CREBBP: variants seen among roughly 807,000 people sequenced by gnomAD.
CREBBP encodes the protein CREB-binding protein.
In CREBBP, 19 loss-of-function variants were observed where a neutral mutation model predicts 265.0. The observed-to-expected ratio is 0.07, with a 90% CI of 0.05 to 0.11. The LOEUF (loss-of-function observed/expected upper bound fraction) is 0.11, where lower values mean the gene tolerates loss of function less well. Ranked by LOEUF, CREBBP falls within the 10% of genes least tolerant of loss-of-function variation. The pLI is 1.00. For synonymous variants in CREBBP, 1,457 were observed against 1,223.7 expected (o/e 1.19, Z -3.98); for missense variants, 2,525 against 3,219.0 (o/e 0.78, Z 5.22).
At chr16:3,865,756 A>C (rs1597078974) in intron 1 of CREBBP, among the ~76,000 whole-genome samples, 1 of 151,972 alleles carries the variant, frequency 6.6e-6, no homozygotes, top group African/African-American at 2.4e-5. Context: ...CTCCTGCCTC[A>C]GCCTCCTGAG....
intron 2 of CREBBP, among the ~76,000 whole-genome samples, chr16:3,836,253 G>C (rs1437512062): frequency 3.3e-5 from 5 of 151,640 alleles, no homozygotes; most frequent in African/African-American, 1.2e-4. Context: ...GGCCAACATG[G>C]TGAAACCCTA....
chr16:3,849,428 T>TGTGTGTGTGTGTGTGTGTG (rs2054750603), intron 2 of CREBBP, among the ~76,000 whole-genome samples: 4 of 7,940 alleles, frequency 5.0e-4, no homozygotes, highest in Non-Finnish European at 4.4e-3. Flanking sequence ...TGTGTGTGTG[T>TGTGTGTGTGTGTGTGTGTG]GTGTGTGTGT....
Position 3,728,509 on chromosome 16 carries a change from G to A in CREBBP, c.6538C>T (p.Pro2180Ser), listed in dbSNP as rs761992793. ...ALNIMNPGHN[P>S]NMASMNPQYR... ...TGTGGATTCATACTCGCCATGTTGGGGTTGTGTCCTGGGTTCATGATGTTC... is the reference window on the plus strand; with the variant it reads ...TGTGGATTCATACTCGCCATGTTGGAGTTGTGTCCTGGGTTCATGATGTTC... The change falls in exon 31 of 31, where the codon CCC becomes TCC. Residue 2180 changes from proline (P) to serine (S), a missense_variant. Transcript: ENST00000262367. This position sits in a 1 kb window ranked among gnomAD's most constrained non-coding sequence, Gnocchi z 8.7. 1 of 1,614,072 alleles carries A rather than the reference G, an allele frequency of 6.2e-7. No homozygotes were observed. The highest frequency in any genetic ancestry group is 1.1e-5 in the South Asian group (1 of 91,086).
intron 19 of CREBBP, among the ~76,000 whole-genome samples, chr16:3,752,456 T>G (rs80309080): frequency 8.5e-5 from 10 of 117,514 alleles, no homozygotes; most frequent in East Asian, 3.9e-4. Flanking sequence ...TTTTTTCCTG[T>G]TTTTTTTTTT....
intron 2 of CREBBP, among the ~76,000 whole-genome samples, chr16:3,821,340 C>T (rs750426105): frequency 1.3e-5 from 2 of 152,186 alleles, no homozygotes; most frequent in Non-Finnish European, 2.9e-5. Context: ...GACTGGGAGG[C>T]CCTCACCATG....
chr16:3,742,304 C>T (rs1254261011), intron 23 of CREBBP: 2 of 152,272 alleles, frequency 1.3e-5, no homozygotes, highest in African/African-American at 2.4e-5. Context: ...TGTTATCACT[C>T]GATTTGGCCA....
chr16:3,845,677 G>A (rs1314993561), intron 2 of CREBBP, among the ~76,000 whole-genome samples: 2 of 152,030 alleles, frequency 1.3e-5, no homozygotes, highest in Non-Finnish European at 2.9e-5. Context: ...CTTGAGCTCA[G>A]GAGTTCAGGA....
At chr16:3,837,238 C>A (rs1378204186) in intron 2 of CREBBP, among the ~76,000 whole-genome samples, 1 of 152,004 alleles carries the variant, frequency 6.6e-6, no homozygotes, top group Non-Finnish European at 1.5e-5. Context: ...TGATCCTGAC[C>A]CTGTACAGGC....
intron 11 of CREBBP, 171 bp from the exon 12 acceptor site, chr16:3,774,864 T>A: frequency 1.1e-6 from 1 of 887,820 alleles, no homozygotes; most frequent in South Asian, 1.5e-5. Flanking sequence ...GACTTCTCCA[T>A]ATCCAGAGAA....
intron 16 of CREBBP, chr16:3,767,416 T>G (rs1469253535): frequency 2.0e-6 from 1 of 499,630 alleles, no homozygotes; most frequent in African/African-American, 1.9e-5. Context: ...CTCCTTAACC[T>G]GCTCAAGGAC....
At position 3,759,540 on chromosome 16, in the gene CREBBP, T is replaced by A. The variant is rs184747167; in HGVS notation, c.3251-568A>T. 6.9e-4 allele frequency among the ~76,000 whole-genome samples: 101 copies of A among 146,846 alleles called. 1 individual carries two copies. In the East Asian group the frequency reaches 0.018, roughly 26 times the overall value. On this transcript the variant is annotated intron_variant, in intron 16 of 30. Coordinates refer to ENST00000262367, the MANE Select transcript of CREBBP (RefSeq NM_004380.3). ...AGACGGAGGTTGCAGTGAGCCGAGA[T>A]TGCGCCACTGCACTCCAGCCTGGAC...
At chr16:3,748,722 G>GATAA (rs2052405244) in intron 21 of CREBBP, among the ~76,000 whole-genome samples, 4 of 152,170 alleles carry the variant, frequency 2.6e-5, no homozygotes, top group Admixed American at 6.5e-5. Context: ...TGCCAATTTG[G>GATAA]AGCGCCCTCA....
At chr16:3,871,193 TCTCACTCA>T (rs57291542) in intron 1 of CREBBP, among the ~76,000 whole-genome samples, 148 of 142,610 alleles carry the variant, frequency 1.0e-3, no homozygotes, top group African/African-American at 2.8e-3. Context: ...TCTCTCTCTC[TCTCACTCA>T]CACACACACA....
intron 2 of CREBBP, among the ~76,000 whole-genome samples, chr16:3,831,399 T>A (rs1451808179): frequency 6.6e-6 from 1 of 152,074 alleles, no homozygotes; most frequent in Non-Finnish European, 1.5e-5. Flanking sequence ...ATTTAAAGGA[T>A]TCAAAGAAAT....
chr16:3,842,404 G>A (rs991766828), intron 2 of CREBBP, among the ~76,000 whole-genome samples: 1 of 152,026 alleles, frequency 6.6e-6, no homozygotes, highest in Non-Finnish European at 1.5e-5. Context: ...ACCTAAATTG[G>A]TCTTTTTTGC....
chr16:3,799,849 G>A (rs781079514), intron 3 of CREBBP, among the ~76,000 whole-genome samples: 5 of 152,234 alleles, frequency 3.3e-5, no homozygotes, highest in African/African-American at 7.2e-5. Context: ...TTAAGGCAAC[G>A]AATTACTAAC....
chr16:3,849,431 GTGTGTGTGTGTGTGTGT>G (rs1567360232), intron 2 of CREBBP, among the ~76,000 whole-genome samples: 202 of 14,470 alleles, frequency 0.014, 8 homozygotes, highest in East Asian at 0.047. Flanking sequence ...GTGTGTGTGT[GTGTGTGTGTGTGTGTGT>G]GTGTGTGTGT....
intron 23 of CREBBP, chr16:3,741,797 C>A (rs1001516554): frequency 1.3e-5 from 2 of 152,096 alleles, no homozygotes; most frequent in Admixed American, 6.6e-5. Flanking sequence ...AAAATTAAGT[C>A]GGGAGCGATG....
chr16:3,771,023 C>T (rs777208477), intron 13 of CREBBP, 37 bp from the exon 14 acceptor site: 1 of 1,609,746 alleles, frequency 6.2e-7, no homozygotes, highest in Non-Finnish European at 8.5e-7. Flanking sequence ...AAATTATTTC[C>T]CCCGTTTGAA....
Sources: gnomAD v4.1 joint callset for allele counts (sites outside exome capture counted in the v4.1 genomes callset) on GRCh38, gnomAD v4.1.1 for gene constraint, Gnocchi (gnomAD v3.1) non-coding constraint, MANE v1.5 for transcripts, NCBI Gene and HGNC (gene_info 2026-07-23, HGNC 2026-07-21) for gene names.